The following PDAP1 variants were observed in gnomAD, a reference collection of about 807,000 sequenced individuals.
PDAP1 encodes the protein PDGFA associated protein 1.
PDAP1 carries 13 observed loss-of-function variants against 28.0 expected under a neutral mutation model. That is an observed-to-expected ratio of 0.46 (90% CI 0.30 to 0.74). The LOEUF is 0.74. Ranked by LOEUF, PDAP1 falls within the 30% of genes least tolerant of loss-of-function variation. The pLI is 0.07. For synonymous variants in PDAP1, 77 were observed against 85.1 expected (o/e 0.91, Z 0.52); for missense variants, 150 against 230.0 (o/e 0.65, Z 2.25).
At chr7:99,402,292 G>A (rs1386249924) in intron 3 of PDAP1, among the ~76,000 whole-genome samples, 1 of 147,232 alleles carries the variant, frequency 6.8e-6, no homozygotes. Context: ...GCCTCCCCCA[G>A]CTGCCACTAC....
intron 3 of PDAP1, 190 bp downstream of exon 3, chr7:99,403,208 G>C (rs1270542544): frequency 1.7e-6 from 1 of 588,318 alleles, no homozygotes; most frequent in Non-Finnish European, 3.0e-6. Context: ...AGTCTGTTTT[G>C]TTAGTAACAC....
chr7:99,396,624 C>T lies in PDAP1; in HGVS notation c.*58G>A, dbSNP rs1447038030. 1.4e-6 allele frequency: 2 copies of T among 1,454,580 alleles called. No homozygotes were observed. The highest frequency in any genetic ancestry group is 2.8e-5 in the African/African-American group (2 of 71,764). 90.1% of individuals were successfully genotyped at this position (1,454,580 alleles called of 1,614,324 possible). A position where few individuals can be genotyped will look rare whatever the true frequency, so the allele number is the denominator to read the frequency against. On this transcript the variant is annotated 3_prime_UTR_variant, in exon 6 of 6. Coordinates refer to ENST00000350498, the MANE Select transcript of PDAP1 (RefSeq NM_014891.7). ...GCCAGGGCACAGGGTGGGCGAGACA[C>T]AGCAGAGGTCCTGGCAGCGCGGCCC...
intron 3 of PDAP1, among the ~76,000 whole-genome samples, chr7:99,401,905 C>T (rs1369857162): frequency 6.6e-6 from 1 of 151,898 alleles, no homozygotes; most frequent in Non-Finnish European, 1.5e-5. Context: ...CTGTGTTAGC[C>T]AGGATGGTCT....
intron 3 of PDAP1, among the ~76,000 whole-genome samples, chr7:99,400,724 TC>T (rs921905040): frequency 6.6e-6 from 1 of 152,076 alleles, no homozygotes; most frequent in African/African-American, 2.4e-5. Context: ...ACAGCACTAC[TC>T]CCCTACTTCA....
intron 2 of PDAP1, among the ~76,000 whole-genome samples, chr7:99,403,778 C>T (rs1299656372): frequency 6.6e-6 from 1 of 152,164 alleles, no homozygotes; most frequent in Admixed American, 6.5e-5. Context: ...GCTCCCCTTC[C>T]TAACGCAGCC....
At position 99,408,562 on chromosome 7, in the gene PDAP1, G is replaced by A; in HGVS notation, c.-14C>T. 7.8e-7 allele frequency: 1 copy of A among 1,274,152 alleles called. No homozygotes were observed. The highest frequency in any genetic ancestry group is 9.9e-7 in the Non-Finnish European group (1 of 1,007,972). The allele number at this position is 1,274,152 out of a possible 1,614,324, so 78.9% of individuals were successfully genotyped here. A position where few individuals can be genotyped will look rare whatever the true frequency, so the allele number is the denominator to read the frequency against. ...TCCTTTAGGCATTGCGGCTCCGGCG[G>A]CTGCGGCGGCGGCGGCGGCGCCTCG... On this transcript the variant is annotated 5_prime_UTR_variant, in exon 1 of 6. Coordinates refer to ENST00000350498, the MANE Select transcript of PDAP1 (RefSeq NM_014891.7).
intron 1 of PDAP1, 119 bp downstream of exon 1, chr7:99,408,417 C>T: frequency 1.1e-6 from 1 of 930,988 alleles, no homozygotes; most frequent in Non-Finnish European, 1.4e-6. Flanking sequence ...TGGCTCTCAG[C>T]CGGTGCGGAC....
Position 99,394,916 on chromosome 7 carries a change from GCCTCCC to G in PDAP1, c.*1760_*1765del. Reference sequence around the variant, plus strand: ...TCGTGGGAGCAATCCTTCTGCCTCAGCCTCCCAAGTAGCTGGGACTCCAGGGAGAGA... The same window carrying G: ...TCGTGGGAGCAATCCTTCTGCCTCAGAAGTAGCTGGGACTCCAGGGAGAGA... On this transcript the variant is annotated 3_prime_UTR_variant, in exon 6 of 6. Transcript: ENST00000350498. The G allele has an allele frequency of 1.1e-6, 1 of 895,442 alleles. No individual in the cohort carries two copies. The highest frequency in any genetic ancestry group is 1.4e-6 in the Non-Finnish European group (1 of 693,468). The allele number at this position is 895,442 out of a possible 1,614,324, so 55.5% of individuals were successfully genotyped here. A position where few individuals can be genotyped will look rare whatever the true frequency, so the allele number is the denominator to read the frequency against.
At chr7:99,400,050 A>G (rs1205897218) in intron 4 of PDAP1, among the ~76,000 whole-genome samples, 2 of 152,232 alleles carry the variant, frequency 1.3e-5, no homozygotes, top group African/African-American at 4.8e-5. Flanking sequence ...AATGGAGGGC[A>G]ACCCTCTGTA....
At chr7:99,397,100 A>G (rs1794782988) in intron 5 of PDAP1, among the ~76,000 whole-genome samples, 1 of 152,334 alleles carries the variant, frequency 6.6e-6, no homozygotes, top group African/African-American at 2.4e-5. Flanking sequence ...TCCAACAGTT[A>G]CATGTGAAGT....
rs1794742328 is a variant in PDAP1 at position 99,395,681 on chromosome 7, C to G, written c.*1001G>C. The G allele has an allele frequency of 6.6e-6, 1 of 152,200 alleles. No individual in the cohort carries two copies. Among genetic ancestry groups the G allele is most frequent in the Non-Finnish European group, 1.5e-5 (1 of 68,058 alleles). The allele number at this position is 152,200 out of a possible 1,614,324, so 9.4% of individuals were successfully genotyped here. A position where few individuals can be genotyped will look rare whatever the true frequency, so the allele number is the denominator to read the frequency against. The stretch of plus-strand genomic sequence containing the variant: ...CCTAGAGTTACAGAATTATAACCAC[C>G]AGGGGACACCTACAGGCCAGGCCAG... On this transcript the variant is annotated 3_prime_UTR_variant, in exon 6 of 6. Coordinates refer to ENST00000350498, the MANE Select transcript of PDAP1 (RefSeq NM_014891.7).
chr7:99,399,047 G>A (rs1794813629), intron 4 of PDAP1, among the ~76,000 whole-genome samples: 1 of 152,186 alleles, frequency 6.6e-6, no homozygotes, highest in South Asian at 2.1e-4. Context: ...GGGCCTATTT[G>A]CACTGGGTTC....
At chr7:99,402,424 G>A (rs1429849930) in intron 3 of PDAP1, among the ~76,000 whole-genome samples, 4 of 151,434 alleles carry the variant, frequency 2.6e-5, no homozygotes, top group African/African-American at 9.7e-5. Flanking sequence ...GGGCAATATA[G>A]TGAGATCCCT....
At chr7:99,401,503 T>G (rs1016886635) in intron 3 of PDAP1, among the ~76,000 whole-genome samples, 1 of 151,976 alleles carries the variant, frequency 6.6e-6, no homozygotes, top group Admixed American at 6.6e-5. Context: ...TTTTGTATTT[T>G]TAGTAGAGAC....
At chr7:99,407,675 G>A (rs1795006667) in intron 1 of PDAP1, among the ~76,000 whole-genome samples, 1 of 152,202 alleles carries the variant, frequency 6.6e-6, no homozygotes, top group Non-Finnish European at 1.5e-5. Context: ...TTAGCCCAGT[G>A]TTTCAGATGA....
chr7:99,403,260 T>C lies in PDAP1; in HGVS notation c.213+138A>G, dbSNP rs1328589680. The C allele has an allele frequency of 5.3e-5, 33 of 622,880 alleles. No homozygotes were observed. In the South Asian group the frequency reaches 5.8e-4, roughly 11 times the overall value. The allele number at this position is 622,880 out of a possible 1,614,324, so 38.6% of individuals were successfully genotyped here. On this transcript the variant is annotated intron_variant, in intron 3 of 5. Coordinates refer to ENST00000350498, the MANE Select transcript of PDAP1 (RefSeq NM_014891.7). ...TGACACTGTCTGTTTACTTCTTTGT[T>C]GTATCTCCCGTAGTGTAAACCCTCA...
intron 3 of PDAP1, among the ~76,000 whole-genome samples, chr7:99,402,223 T>A (rs1584420733): frequency 9.5e-6 from 1 of 105,482 alleles, no homozygotes. Context: ...AGAGACTCCA[T>A]CTCCCAAAAA....
chr7:99,408,460 A>G, intron 1 of PDAP1, 76 bp downstream of exon 1: 1 of 1,283,004 alleles, frequency 7.8e-7, no homozygotes, highest in Non-Finnish European at 1.0e-6. Context: ...AGAGACGCGC[A>G]CGGGCTGAGG....
intron 3 of PDAP1, 118 bp from the exon 4 acceptor site, chr7:99,400,542 C>G: frequency 8.8e-7 from 1 of 1,139,402 alleles, no homozygotes; most frequent in African/African-American, 1.5e-5. Context: ...TCCACCCCAG[C>G]CCACGTAGTG....
Sources: allele counts gnomAD v4.1 joint callset (sites outside exome capture counted in the v4.1 genomes callset), GRCh38; gene constraint gnomAD v4.1.1; transcripts MANE v1.5; gene names NCBI Gene and HGNC (gene_info 2026-07-23, HGNC 2026-07-21).